Variants in LOC400499 observed in about 807,000 individuals in gnomAD.
chr16:11,477,689 G>C, the LOC400499 span: 1 of 395,024 alleles, frequency 2.5e-6, no homozygotes, highest in Non-Finnish European at 4.5e-6. Flanking sequence ...TCTGCACACA[G>C]TCTCTTGGCA....
chr16:11,489,076 G>A, the LOC400499 span, among the ~76,000 whole-genome samples: 13 of 152,230 alleles, frequency 8.5e-5, no homozygotes, highest in South Asian at 6.2e-4. Flanking sequence ...AATCCAGCCC[G>A]TGTATGGAAT....
chr16:11,470,043 C>T, the LOC400499 span, among the ~76,000 whole-genome samples: 1 of 152,194 alleles, frequency 6.6e-6, no homozygotes, highest in African/African-American at 2.4e-5. Context: ...GCTGGGATTA[C>T]AGGCATGCGC....
the LOC400499 span, among the ~76,000 whole-genome samples, chr16:11,416,317 T>C: frequency 1.3e-5 from 2 of 152,240 alleles, no homozygotes; most frequent in African/African-American, 4.8e-5. Flanking sequence ...CCCGGGATCC[T>C]GAATGGTCAA....
chr16:11,485,218 CG>C, the LOC400499 span: 2 of 397,400 alleles, frequency 5.0e-6, no homozygotes, highest in East Asian at 7.1e-5. Flanking sequence ...GGCTGAGGTT[CG>C]GGGACACAAC....
the LOC400499 span, chr16:11,488,798 C>T: frequency 1.0e-5 from 4 of 398,774 alleles, no homozygotes; most frequent in Non-Finnish European, 1.8e-5. Context: ...GAGGGTGTCC[C>T]GGAGGGCCCG....
the LOC400499 span, among the ~76,000 whole-genome samples, chr16:11,416,166 T>C: frequency 6.6e-6 from 1 of 152,034 alleles, no homozygotes; most frequent in Admixed American, 6.6e-5. Context: ...GCCAGGCTAG[T>C]CTCGAACTCC....
chr16:11,383,510 A>C, the LOC400499 span: 2 of 1,026,148 alleles, frequency 1.9e-6, no homozygotes, highest in Non-Finnish European at 2.5e-6. Context: ...AGTCTTAATA[A>C]ATGTTGTGAC....
chr16:11,522,538 C>G, the LOC400499 span, among the ~76,000 whole-genome samples: 7 of 152,240 alleles, frequency 4.6e-5, no homozygotes, highest in South Asian at 1.5e-3. Context: ...GCAAAATGTC[C>G]CCAGGGGAGG....
At chr16:11,403,579 G>C in the LOC400499 span, among the ~76,000 whole-genome samples, 1 of 152,226 alleles carries the variant, frequency 6.6e-6, no homozygotes, top group African/African-American at 2.4e-5. Flanking sequence ...TGTGGCAAAT[G>C]TGACGCTGGG....
At chr16:11,423,953 C>T in the LOC400499 span, among the ~76,000 whole-genome samples, 3 of 152,230 alleles carry the variant, frequency 2.0e-5, no homozygotes, top group Non-Finnish European at 2.9e-5. Flanking sequence ...CTCTGCCTTC[C>T]TCTCCAGGGC....
At chr16:11,383,683 C>T in the LOC400499 span, 3 of 1,232,472 alleles carry the variant, frequency 2.4e-6, no homozygotes, top group Non-Finnish European at 3.0e-6. Flanking sequence ...TCCACGGGCA[C>T]ACAGGTGGAT....
chr16:11,484,899 T>C, the LOC400499 span: 2 of 399,176 alleles, frequency 5.0e-6, no homozygotes, highest in African/African-American at 2.1e-5. Flanking sequence ...AGGTATCTCA[T>C]CCTTCTGTCT....
the LOC400499 span, among the ~76,000 whole-genome samples, chr16:11,420,404 T>G: frequency 8.2e-6 from 1 of 122,546 alleles, no homozygotes; most frequent in Non-Finnish European, 1.6e-5. Context: ...TGAGAACACG[T>G]GGACACAGGA....
At chr16:11,487,118 G>A in the LOC400499 span, 50 of 396,678 alleles carry the variant, frequency 1.3e-4, no homozygotes, top group African/African-American at 3.9e-4. Flanking sequence ...CATATCTATG[G>A]GCAGGTGGGT....
chr16:11,477,798 G>A, the LOC400499 span: 7 of 398,734 alleles, frequency 1.8e-5, no homozygotes, highest in African/African-American at 6.2e-5. Flanking sequence ...CCTAACCTGC[G>A]CCAGCTCCCA....
the LOC400499 span, among the ~76,000 whole-genome samples, chr16:11,403,336 C>T: frequency 1.3e-5 from 2 of 152,172 alleles, no homozygotes; most frequent in Admixed American, 6.5e-5. Flanking sequence ...TCCTGCCACC[C>T]GCTGACCCCA....
At chr16:11,413,022 G>A in the LOC400499 span, 1 of 398,390 alleles carries the variant, frequency 2.5e-6, no homozygotes, top group Non-Finnish European at 4.4e-6. Context: ...GCTGGGTGGG[G>A]ACCCCAGCCG....
chr16:11,472,621 C>G, the LOC400499 span: 1 of 152,200 alleles, frequency 6.6e-6, no homozygotes, highest in Non-Finnish European at 1.5e-5. Flanking sequence ...ATTACTTAAC[C>G]TCTCTGGGTC....
At chr16:11,471,431 G>T in the LOC400499 span, 2 of 381,288 alleles carry the variant, frequency 5.2e-6, no homozygotes, top group Admixed American at 9.0e-5. Flanking sequence ...CCCTGAGGAA[G>T]TGACCCCTGA....
Sources: allele counts gnomAD v4.1 joint callset (sites outside exome capture counted in the v4.1 genomes callset), GRCh38; gene constraint gnomAD v4.1.1; transcripts MANE v1.5.